Variants in MET observed in about 807,000 individuals in gnomAD.
The protein encoded by MET is MET proto-oncogene, receptor tyrosine kinase.
In MET, 48 loss-of-function variants were observed where a neutral mutation model predicts 133.1. That is an observed-to-expected ratio of 0.36 (90% CI 0.29 to 0.46). The LOEUF (loss-of-function observed/expected upper bound fraction) is 0.46, where lower values mean the gene tolerates loss of function less well. Among genes scored for constraint, MET ranks in the 20% least tolerant of loss-of-function variants. The pLI is 1.00. For missense variants in MET, 1,442 were observed against 1,695.9 expected (o/e 0.85, Z 2.63); for synonymous variants, 628 against 616.5 (o/e 1.02, Z -0.28).
chr7:116,755,041 A>AAAG (rs879471092), intron 5 of MET, among the ~76,000 whole-genome samples: 435 of 37,288 alleles, frequency 0.012, 2 homozygotes, highest in African/African-American at 0.019. Context: ...AGAAAGAAAG[A>AAAG]AAAGAAAGAA....
chr7:116,760,282 T>A (rs983882657), intron 10 of MET, among the ~76,000 whole-genome samples: 1 of 152,094 alleles, frequency 6.6e-6, no homozygotes, highest in Non-Finnish European at 1.5e-5. Flanking sequence ...ATTCTTCTTG[T>A]CCCTTTGTTA....
intron 1 of MET, among the ~76,000 whole-genome samples, chr7:116,691,308 GAT>G (rs1796771947): frequency 6.6e-6 from 1 of 152,040 alleles, no homozygotes; most frequent in Non-Finnish European, 1.5e-5. Context: ...TTAACTAATA[GAT>G]ATGTTCTCAA....
chr7:116,704,919 T>C (rs1477903538), intron 2 of MET, among the ~76,000 whole-genome samples: 2 of 152,084 alleles, frequency 1.3e-5, no homozygotes, highest in African/African-American at 2.4e-5. Flanking sequence ...TTAAATATCA[T>C]TTATACTCAA....
At chr7:116,731,528 G>A in intron 2 of MET, 140 bp from the exon 3 acceptor site, 2 of 794,416 alleles carry the variant, frequency 2.5e-6, no homozygotes, top group South Asian at 3.2e-5. Context: ...AAATATTTAT[G>A]CCTATCTGTG....
At position 116,757,677 on chromosome 7, in the gene MET, A is replaced by T. The variant is rs1344902873; in HGVS notation, c.2005A>T (p.Met669Leu). Residue 669 changes from methionine (M) to leucine (L), a missense_variant, in exon 8 of 21, where the codon ATG (methionine) becomes TTG (leucine). Coordinates refer to ENST00000397752, the MANE Select transcript of MET (RefSeq NM_000245.4). The part of the protein sequence containing the change: ...ITSISPKYGP[M>L]AGGTLLTLTG... ...AAGTATTTCGCCGAAATACGGTCCTATGGCTGGTGGCACTTTACTTACTTT... is the reference window on the plus strand; with the variant it reads ...AAGTATTTCGCCGAAATACGGTCCTTTGGCTGGTGGCACTTTACTTACTTT... The T allele has an allele frequency of 6.2e-7, 1 of 1,614,016 alleles. No individual in the cohort carries two copies. The highest frequency in any genetic ancestry group is 8.5e-7 in the Non-Finnish European group (1 of 1,179,980).
In MET at chr7:116,784,477, G is replaced by A. The variant is rs547167668; in HGVS notation, c.3798+1008G>A. On this transcript the variant is annotated intron_variant, in intron 19 of 20. Transcript: ENST00000397752. ...GGAAGCATGGCTGGAGAGGCCTCAG[G>A]GAGCTTTTACCCATAGCAGAAGGCA... Among the ~76,000 whole-genome samples, 11 of 152,294 alleles carry A rather than the reference G, an allele frequency of 7.2e-5. No individual in the cohort carries two copies. In the East Asian group the frequency reaches 2.1e-3, roughly 29 times the overall value.
chr7:116,728,208 T>G (rs1792867249), intron 2 of MET, among the ~76,000 whole-genome samples: 1 of 152,322 alleles, frequency 6.6e-6, no homozygotes, highest in African/African-American at 2.4e-5. Flanking sequence ...ACCTGACATA[T>G]TTATTTTTTA....
At chr7:116,751,527 T>C (rs997123488) in intron 5 of MET, among the ~76,000 whole-genome samples, 1 of 152,158 alleles carries the variant, frequency 6.6e-6, no homozygotes, top group African/African-American at 2.4e-5. Context: ...CCAGCTAATG[T>C]ATGGAGTTTC....
At chr7:116,786,777 G>A (rs991469471) in intron 19 of MET, among the ~76,000 whole-genome samples, 2 of 152,200 alleles carry the variant, frequency 1.3e-5, no homozygotes, top group African/African-American at 2.4e-5. Flanking sequence ...AAACAAAGTA[G>A]TCAGAAAATA....
intron 1 of MET, among the ~76,000 whole-genome samples, chr7:116,685,229 C>G (rs775889973): frequency 6.6e-6 from 1 of 152,160 alleles, no homozygotes; most frequent in Non-Finnish European, 1.5e-5. Context: ...TCTCTACAGT[C>G]CCTCTCCTCG....
intron 2 of MET, among the ~76,000 whole-genome samples, chr7:116,710,798 C>T (rs1283007648): frequency 1.3e-5 from 2 of 151,814 alleles, no homozygotes; most frequent in Non-Finnish European, 2.9e-5. Context: ...GATAAGATAA[C>T]AATCCAATTG....
intron 2 of MET, among the ~76,000 whole-genome samples, chr7:116,721,876 A>T (rs1293376532): frequency 6.6e-6 from 1 of 152,116 alleles, no homozygotes; most frequent in Non-Finnish European, 1.5e-5. Context: ...CTGTTCTCTT[A>T]CATTTGCTGA....
intron 17 of MET, 98 bp from the exon 18 acceptor site, chr7:116,781,890 C>A: frequency 1.2e-6 from 1 of 850,022 alleles, no homozygotes; most frequent in Non-Finnish European, 1.9e-6. Flanking sequence ...ATTTTTGAGA[C>A]AAGATAATTT....
At chr7:116,757,411 T>C (rs762175278) in intron 6 of MET, 26 bp from the exon 7 acceptor site, 1 of 1,581,462 alleles carries the variant, frequency 6.3e-7, no homozygotes, top group Non-Finnish European at 8.7e-7. Flanking sequence ...ATTTGTCATG[T>C]ATTAAACTTT....
intron 1 of MET, among the ~76,000 whole-genome samples, chr7:116,677,231 T>G (rs888853473): frequency 6.6e-6 from 1 of 152,194 alleles, no homozygotes; most frequent in African/African-American, 2.4e-5. Context: ...GGTGTGCAGC[T>G]TCTGTCTGCT....
rs1415579387 is a variant in MET at position 116,796,310 on chromosome 7, T to C, written c.*186T>C. On this transcript the variant is annotated 3_prime_UTR_variant, in exon 21 of 21. Coordinates refer to ENST00000397752, the MANE Select transcript of MET (RefSeq NM_000245.4). ...TGACAGAGCATCAGAACCAGAGGCT[T>C]GGTCCCACAGGCCACGGACCAATGG... The C allele has an allele frequency of 7.7e-6, 5 of 650,566 alleles. No individual in the cohort carries two copies. The highest frequency in any genetic ancestry group is 5.4e-5 in the African/African-American group (3 of 55,662). 40.3% of individuals were successfully genotyped at this position (650,566 alleles called of 1,614,324 possible).
intron 2 of MET, among the ~76,000 whole-genome samples, chr7:116,701,415 A>G (rs951833683): frequency 2.0e-5 from 3 of 152,154 alleles, no homozygotes; most frequent in Admixed American, 6.5e-5. Context: ...GCTGAGGGGT[A>G]AAGGCATATG....
intron 5 of MET, among the ~76,000 whole-genome samples, chr7:116,744,438 C>T (rs1793584699): frequency 6.6e-6 from 1 of 152,006 alleles, no homozygotes; most frequent in Admixed American, 6.6e-5. Context: ...GAAAGAATGT[C>T]AGAGATTGAA....
In MET at chr7:116,779,208, T is replaced by C. The variant is rs73716771; in HGVS notation, c.3522+251T>C. ...CTCTACCTTCCCTCTGATAGGGACA[T>C]TTAGTCATCTTTGCATGTCTACTAT... On this transcript the variant is annotated intron_variant, in intron 17 of 20. Transcript: ENST00000397752. Among the ~76,000 whole-genome samples, 2,664 of 152,322 alleles carry C rather than the reference T, an allele frequency of 0.017. 89 individuals carry two copies. Among genetic ancestry groups the C allele is most frequent in the African/African-American group, 0.061 (2,537 of 41,568 alleles).
Sources: gnomAD v4.1 joint callset for allele counts (sites outside exome capture counted in the v4.1 genomes callset) on GRCh38, gnomAD v4.1.1 for gene constraint, MANE v1.5 for transcripts, NCBI Gene and HGNC (gene_info 2026-07-23, HGNC 2026-07-21) for gene names.